Variants in SLC7A8 observed in about 807,000 individuals in gnomAD.
SLC7A8 encodes large neutral amino acids transporter small subunit 2.
A neutral mutation model predicts 51.2 loss-of-function variants in SLC7A8; 30 were observed. That is an observed-to-expected ratio of 0.59 (90% CI 0.44 to 0.80). The LOEUF (loss-of-function observed/expected upper bound fraction) is 0.80, where lower values mean the gene tolerates loss of function less well. Ranked by LOEUF, SLC7A8 falls within the 30% of genes least tolerant of loss-of-function variation. The pLI, the probability that SLC7A8 is intolerant of heterozygous loss-of-function variation, is 0.00. For synonymous variants in SLC7A8, 257 were observed against 275.8 expected, an observed-to-expected ratio of 0.93 and a Z score of 0.67; for missense variants, 612 against 674.4, an observed-to-expected ratio of 0.91 and a Z score of 1.03.
intron 1 of SLC7A8, among the ~76,000 whole-genome samples, chr14:23,172,728 A>G (rs952329437): frequency 3.9e-5 from 6 of 152,336 alleles, no homozygotes; most frequent in African/African-American, 1.2e-4. Context: ...TGAGGGTGGG[A>G]GAGCTACCAG....
At chr14:23,129,534 A>G in intron 9 of SLC7A8, 116 bp downstream of exon 9, 1 of 1,228,462 alleles carries the variant, frequency 8.1e-7, no homozygotes. Context: ...AGGGTCTGCT[A>G]CCATCAGAGA....
At chr14:23,154,535 GA>G in intron 3 of SLC7A8, 1 of 958,026 alleles carries the variant, frequency 1.0e-6, no homozygotes, top group Non-Finnish European at 1.2e-6. Flanking sequence ...TCTAATTGTG[GA>G]AAAGCCGCTT....
intron 1 of SLC7A8, among the ~76,000 whole-genome samples, chr14:23,168,979 G>A (rs955050436): frequency 2.0e-5 from 3 of 152,088 alleles, no homozygotes; most frequent in East Asian, 1.9e-4. Context: ...ACAGTAGATC[G>A]GCATTGGAAT....
At chr14:23,180,053 G>C (rs908885691) in intron 1 of SLC7A8, among the ~76,000 whole-genome samples, 1 of 151,602 alleles carries the variant, frequency 6.6e-6, no homozygotes, top group South Asian at 2.1e-4. Flanking sequence ...CTACAGGCAT[G>C]CGCCACGACG....
intron 1 of SLC7A8, among the ~76,000 whole-genome samples, chr14:23,173,972 C>G (rs1432224381): frequency 2.0e-5 from 3 of 152,190 alleles, no homozygotes; most frequent in Non-Finnish European, 4.4e-5. Flanking sequence ...AAGAAACTTC[C>G]ATTGCACAGC....
intron 3 of SLC7A8, among the ~76,000 whole-genome samples, chr14:23,145,001 C>T (rs182297884): frequency 0.015 from 2,315 of 149,868 alleles, 51 homozygotes; most frequent in African/African-American, 0.053. Context: ...GGCGCGATCT[C>T]GGCTCACTGC....
Position 23,138,510 on chromosome 14 carries a change from G to A in SLC7A8, c.913-486C>T, listed in dbSNP as rs558418187. ...TAGGAGCTGTGAGACCTTGAGCAAA[G>A]TTTATGATTTTTGAGCCTCTGTCTC... On this transcript the variant is annotated intron_variant, in intron 6 of 10. Transcript: ENST00000316902. Among the ~76,000 whole-genome samples the A allele has an allele frequency of 2.2e-5, 3 of 136,228 alleles. No homozygotes were observed. The Admixed American group carries it at 2.4e-4, about 11-fold the overall frequency. The allele number at this position is 136,228 out of a possible 152,430, so 89.4% of individuals were successfully genotyped here.
At chr14:23,154,430 TG>T in intron 3 of SLC7A8, 1 of 990,310 alleles carries the variant, frequency 1.0e-6, no homozygotes, top group Non-Finnish European at 1.2e-6. Context: ...GCCGGGCCTG[TG>T]GGGGCGTGGG....
In SLC7A8 at chr14:23,128,072, T is replaced by C; in HGVS notation, c.1388A>G (p.Tyr463Cys). Reference sequence around the variant, plus strand: ...GTGTTGCCAGTAAACACCCAGGAAATAGACAGGCACTCCTGTCAGCATGAT... The same window carrying C: ...GTGTTGCCAGTAAACACCCAGGAAACAGACAGGCACTCCTGTCAGCATGAT... Reference protein sequence around the residue: ...LAIMLTGVPVYFLGVYWQHKP... With the variant: ...LAIMLTGVPVCFLGVYWQHKP... The change falls in exon 10 of 11, where the codon TAT (tyrosine) becomes TGT (cysteine). Residue 463 changes from tyrosine (Y) to cysteine (C), a missense_variant. Coordinates refer to ENST00000316902, the MANE Select transcript of SLC7A8 (RefSeq NM_012244.4). This position sits in a 1 kb window ranked among gnomAD's most constrained non-coding sequence, Gnocchi z 4.3. 6.2e-7 allele frequency: 1 copy of C among 1,613,960 alleles called. No individual in the cohort carries two copies. Among genetic ancestry groups the C allele is most frequent in the Non-Finnish European group, 8.5e-7 (1 of 1,179,992 alleles).
intron 1 of SLC7A8, among the ~76,000 whole-genome samples, chr14:23,174,297 C>T (rs1028340022): frequency 2.6e-5 from 4 of 152,206 alleles, no homozygotes; most frequent in African/African-American, 4.8e-5. Flanking sequence ...ACCTTTAAAA[C>T]GTGGAGACAG....
chr14:23,152,945 G>A (rs2048860355), intron 3 of SLC7A8, among the ~76,000 whole-genome samples: 1 of 152,164 alleles, frequency 6.6e-6, no homozygotes, highest in South Asian at 2.1e-4. Flanking sequence ...GGCTGGATTG[G>A]TTGTTATAAG....
chr14:23,127,396 C>A lies in SLC7A8; in HGVS notation c.1442-53G>T. ...GGCCAATGCTGAGTATCCCACCAAC[C>A]TGGCCAAGTGGCCCCGGCCCTTCCT... On this transcript the variant is annotated intron_variant, in intron 10 of 10. Transcript: ENST00000316902. 24 of 1,595,652 alleles carry A rather than the reference C, an allele frequency of 1.5e-5. No individual in the cohort carries two copies. The South Asian group carries it at 2.5e-4, about 16-fold the overall frequency.
intron 3 of SLC7A8, among the ~76,000 whole-genome samples, chr14:23,144,852 A>C (rs2048777121): frequency 6.6e-6 from 1 of 152,130 alleles, no homozygotes; most frequent in South Asian, 2.1e-4. Context: ...GACGAGGAAC[A>C]AAGTTTGTTC....
chr14:23,146,915 T>C (rs2048799765), intron 3 of SLC7A8: 1 of 152,230 alleles, frequency 6.6e-6, no homozygotes, highest in South Asian at 2.1e-4. Context: ...TGCTGCTGGC[T>C]AGCTACTGCT....
Position 23,126,838 on chromosome 14 carries a change from G to A in SLC7A8, c.*339C>T. 1 of 342,130 alleles carries A rather than the reference G, an allele frequency of 2.9e-6. No individual in the cohort carries two copies. The highest frequency in any genetic ancestry group is 3.6e-5 in the South Asian group (1 of 28,104). The allele number at this position is 342,130 out of a possible 1,614,324, so 21.2% of individuals were successfully genotyped here. On this transcript the variant is annotated 3_prime_UTR_variant, in exon 11 of 11. Transcript: ENST00000316902. ...CTGAAGGGGCCTCCCTGGGAGGGAAGGCAGTAATGAGCTCCGGTTCCTGAA... is the reference window on the plus strand; with the variant it reads ...CTGAAGGGGCCTCCCTGGGAGGGAAAGCAGTAATGAGCTCCGGTTCCTGAA...
chr14:23,130,013 T>C (rs1476476899), intron 8 of SLC7A8: 9 of 556,054 alleles, frequency 1.6e-5, no homozygotes, highest in Non-Finnish European at 2.8e-5. Flanking sequence ...ATGATCAAAA[T>C]ATTTAACCAC....
intron 4 of SLC7A8, among the ~76,000 whole-genome samples, chr14:23,141,447 T>A (rs575495556): frequency 2.6e-5 from 4 of 152,318 alleles, no homozygotes; most frequent in Admixed American, 2.6e-4. Flanking sequence ...GTTTGGTCTC[T>A]CTTTTCTTTT....
intron 3 of SLC7A8, among the ~76,000 whole-genome samples, chr14:23,162,217 G>A (rs2048927939): frequency 2.0e-5 from 3 of 152,140 alleles, no homozygotes; most frequent in African/African-American, 4.8e-5. Context: ...GCACCCTGCC[G>A]GGCAGAGGGA....
chr14:23,152,192 T>A (rs1206475493), intron 3 of SLC7A8, among the ~76,000 whole-genome samples: 1 of 152,212 alleles, frequency 6.6e-6, no homozygotes, highest in East Asian at 1.9e-4. Context: ...TGCAGTGGCC[T>A]GATGTTGGCA....
Sources: allele counts gnomAD v4.1 joint callset (sites outside exome capture counted in the v4.1 genomes callset), GRCh38; gene constraint gnomAD v4.1.1; non-coding constraint Gnocchi (gnomAD v3.1); transcripts MANE v1.5; gene names NCBI Gene and HGNC (gene_info 2026-07-23, HGNC 2026-07-21).